Variants in CDH18 observed in about 807,000 individuals in gnomAD.
CDH18 encodes cadherin 18, also known as cadherin-18.
Under a neutral mutation model 67.9 loss-of-function variants are expected in CDH18, and 31 were observed. The observed-to-expected ratio is 0.46, with a 90% confidence interval of 0.34 to 0.62. CDH18 has a LOEUF of 0.62. CDH18 is among the 20% of genes least tolerant of loss of function. CDH18 has a pLI of 0.01. For missense variants in CDH18, 890 were observed against 975.5 expected (o/e 0.91, Z 1.17); for synonymous variants, 362 against 347.2 (o/e 1.04, Z -0.48).
intron 2 of CDH18, among the ~76,000 whole-genome samples, chr5:20,051,100 G>A (rs1741381201): frequency 6.6e-6 from 1 of 151,788 alleles, no homozygotes; most frequent in Non-Finnish European, 1.5e-5. Context: ...TAAAAATCGT[G>A]GCTAGTGTGT....
intron 2 of CDH18, among the ~76,000 whole-genome samples, chr5:19,970,337 T>C (rs1234620994): frequency 6.6e-6 from 1 of 151,704 alleles, no homozygotes; most frequent in Non-Finnish European, 1.5e-5. Context: ...TCTTTATATT[T>C]ATAATTTGTT....
chr5:20,121,350 G>T (rs1398652005), intron 2 of CDH18, among the ~76,000 whole-genome samples: 1 of 152,104 alleles, frequency 6.6e-6, no homozygotes, highest in Non-Finnish European at 1.5e-5. Flanking sequence ...AACTCATAAG[G>T]GCTAATCATA....
intron 3 of CDH18, among the ~76,000 whole-genome samples, chr5:19,820,032 T>C (rs1049239267): frequency 6.6e-6 from 1 of 152,072 alleles, no homozygotes; most frequent in Non-Finnish European, 1.5e-5. Context: ...TTGGGCTTAG[T>C]CCCAACCCTC....
intron 5 of CDH18, among the ~76,000 whole-genome samples, chr5:19,664,600 C>A (rs1315565845): frequency 1.4e-3 from 1 of 698 alleles, no homozygotes; most frequent in South Asian, 0.5. Context: ...TATGCAAAGA[C>A]GTTAAAATAT....
intron 5 of CDH18, among the ~76,000 whole-genome samples, chr5:19,622,432 G>C: frequency 6.6e-6 from 1 of 152,150 alleles, no homozygotes; most frequent in East Asian, 1.9e-4. Context: ...AAATGATCTT[G>C]GCTTGAGGGA....
At chr5:19,656,233 A>G (rs760521550) in intron 5 of CDH18, among the ~76,000 whole-genome samples, 1 of 152,078 alleles carries the variant, frequency 6.6e-6, no homozygotes, top group Non-Finnish European at 1.5e-5. Flanking sequence ...CTGCCAGGAT[A>G]TCATATTCAA....
chr5:20,026,143 T>C (rs1302315550), intron 2 of CDH18, among the ~76,000 whole-genome samples: 1 of 152,212 alleles, frequency 6.6e-6, no homozygotes, highest in Non-Finnish European at 1.5e-5. Context: ...TGACCTGGGA[T>C]TGTTCTTAGA....
In CDH18 at chr5:20,117,315, TAAAC is replaced by T. The variant is rs1229452489; in HGVS notation, c.-517-125305_-517-125302del. Among the ~76,000 whole-genome samples, 7 of 152,134 alleles carry T rather than the reference TAAAC, an allele frequency of 4.6e-5. No homozygotes were observed. The South Asian group carries it at 6.2e-4, about 13-fold the overall frequency. ...ATTCTATACAAATTTTTTGTATTGA[TAAAC>T]AAAGTATGCCAAGAAAAATGAAGTA... On this transcript the variant is annotated intron_variant, in intron 2 of 14. Transcript: ENST00000507958.
At chr5:20,002,633 A>G (rs766669113) in intron 2 of CDH18, among the ~76,000 whole-genome samples, 3 of 152,202 alleles carry the variant, frequency 2.0e-5, no homozygotes, top group Non-Finnish European at 2.9e-5. Context: ...AAATGTGACT[A>G]AGTTATAAGT....
intron 5 of CDH18, among the ~76,000 whole-genome samples, chr5:19,661,940 A>T (rs1446076995): frequency 3.3e-5 from 5 of 152,062 alleles, no homozygotes; most frequent in African/African-American, 7.2e-5. Context: ...AGATACAATA[A>T]GTCAGCCTTT....
At chr5:20,041,137 C>T (rs1027455487) in intron 2 of CDH18, among the ~76,000 whole-genome samples, 1 of 152,144 alleles carries the variant, frequency 6.6e-6, no homozygotes, top group South Asian at 2.1e-4. Context: ...ATTCTAGAAT[C>T]GGGGCCTTCC....
At chr5:20,176,551 T>G (rs1186903899) in intron 2 of CDH18, among the ~76,000 whole-genome samples, 1 of 152,226 alleles carries the variant, frequency 6.6e-6, no homozygotes, top group Non-Finnish European at 1.5e-5. Flanking sequence ...ACTTTCTTAT[T>G]CTTTCATAAG....
At chr5:20,163,357 A>G (rs965580258) in intron 2 of CDH18, among the ~76,000 whole-genome samples, 3 of 152,150 alleles carry the variant, frequency 2.0e-5, no homozygotes, top group African/African-American at 7.2e-5. Flanking sequence ...ATCATTTCAT[A>G]GTTTATTCAG....
intron 2 of CDH18, among the ~76,000 whole-genome samples, chr5:20,184,997 C>T (rs904874831): frequency 6.6e-6 from 1 of 152,076 alleles, no homozygotes; most frequent in Non-Finnish European, 1.5e-5. Context: ...GAGTTAGTTA[C>T]AACATTCACA....
intron 2 of CDH18, among the ~76,000 whole-genome samples, chr5:19,920,266 CACTT>C (rs1396678506): frequency 1.3e-5 from 2 of 152,112 alleles, no homozygotes; most frequent in Non-Finnish European, 2.9e-5. Context: ...GTAAACCAAT[CACTT>C]AATTTCAGCC....
chr5:19,878,651 T>C (rs961811245), intron 2 of CDH18, among the ~76,000 whole-genome samples: 1 of 151,888 alleles, frequency 6.6e-6, no homozygotes, highest in African/African-American at 2.4e-5. Flanking sequence ...AATAGGGAGG[T>C]ATCACAGAGG....
chr5:20,182,860 T>G (rs1224921656), intron 2 of CDH18, among the ~76,000 whole-genome samples: 1 of 151,934 alleles, frequency 6.6e-6, no homozygotes, highest in Non-Finnish European at 1.5e-5. Flanking sequence ...CATTAACCAG[T>G]CTTAAGTATT....
At chr5:20,020,062 C>T (rs1248790300) in intron 2 of CDH18, among the ~76,000 whole-genome samples, 1 of 152,142 alleles carries the variant, frequency 6.6e-6, no homozygotes, top group Non-Finnish European at 1.5e-5. Context: ...TGTGCCCCTG[C>T]TCTAGGGATC....
intron 1 of CDH18, among the ~76,000 whole-genome samples, chr5:20,439,340 T>C (rs1361201639): frequency 1.3e-5 from 2 of 151,580 alleles, no homozygotes; most frequent in Non-Finnish European, 2.9e-5. Context: ...TTATGCTATG[T>C]TCTTGAAAGG....
Sources: gnomAD v4.1 joint callset for allele counts (sites outside exome capture counted in the v4.1 genomes callset) on GRCh38, gnomAD v4.1.1 for gene constraint, MANE v1.5 for transcripts, NCBI Gene and HGNC (gene_info 2026-07-23, HGNC 2026-07-21) for gene names.